CNTNAP2: variants seen among roughly 807,000 people sequenced by gnomAD.
CNTNAP2 encodes contactin-associated protein-like 2.
A neutral mutation model predicts 155.2 loss-of-function variants in CNTNAP2; 98 were observed. The observed-to-expected ratio is 0.63, with a 90% CI of 0.54 to 0.75. The LOEUF (loss-of-function observed/expected upper bound fraction) is 0.75. Ranked by LOEUF, CNTNAP2 falls within the 30% of genes least tolerant of loss-of-function variation. CNTNAP2 has a pLI of 0.00. For missense variants in CNTNAP2, 1,727 were observed against 1,688.1 expected (o/e 1.02, Z -0.40); for synonymous variants, 651 against 631.2 (o/e 1.03, Z -0.47).
At chr7:147,989,690 T>A (rs997568715) in intron 15 of CNTNAP2, among the ~76,000 whole-genome samples, 1 of 152,188 alleles carries the variant, frequency 6.6e-6, no homozygotes, top group Non-Finnish European at 1.5e-5. Flanking sequence ...AATACCTGAT[T>A]AGAGCTCAAC....
chr7:146,873,180 C>G (rs1795349616), intron 3 of CNTNAP2, among the ~76,000 whole-genome samples: 1 of 152,176 alleles, frequency 6.6e-6, no homozygotes, highest in Admixed American at 6.5e-5. Context: ...TAATGCTATA[C>G]AAGATGTCTG....
intron 13 of CNTNAP2, among the ~76,000 whole-genome samples, chr7:147,732,181 T>TCCCCCCCCCCCCCCCCCC (rs199519152): frequency 5.5e-5 from 6 of 108,532 alleles, no homozygotes; most frequent in Admixed American, 9.8e-5. Flanking sequence ...ATGCTATCCC[T>TCCCCCCCCCCCCCCCCCC]CCCCCCCCCA....
At chr7:147,106,423 C>G (rs1388206775) in intron 4 of CNTNAP2, among the ~76,000 whole-genome samples, 1 of 152,050 alleles carries the variant, frequency 6.6e-6, no homozygotes, top group Non-Finnish European at 1.5e-5. Flanking sequence ...GCAGTGTTAG[C>G]AGAAGCCAAA....
At chr7:146,525,550 A>ATCTATCTATCTG (rs1400753797) in intron 1 of CNTNAP2, among the ~76,000 whole-genome samples, 2 of 146,460 alleles carry the variant, frequency 1.4e-5, no homozygotes, top group East Asian at 3.9e-4. Flanking sequence ...CTATCTATCT[A>ATCTATCTATCTG]TCTATCTATC....
chr7:146,363,321 A>G (rs1349050311), intron 1 of CNTNAP2, among the ~76,000 whole-genome samples: 1 of 152,156 alleles, frequency 6.6e-6, no homozygotes, highest in African/African-American at 2.4e-5. Context: ...ATCTGTCTCT[A>G]TCGTCTATCT....
chr7:146,344,524 G>C (rs1794789974), intron 1 of CNTNAP2, among the ~76,000 whole-genome samples: 1 of 148,760 alleles, frequency 6.7e-6, no homozygotes, highest in Non-Finnish European at 1.5e-5. Flanking sequence ...TTGTAGCCCA[G>C]GCTGGAGTTC....
intron 8 of CNTNAP2, among the ~76,000 whole-genome samples, chr7:147,169,495 A>G (rs1298020767): frequency 6.6e-6 from 1 of 152,074 alleles, no homozygotes; most frequent in Non-Finnish European, 1.5e-5. Flanking sequence ...TGTGTGTCCA[A>G]TGTTTAGCTC....
At chr7:147,460,953 T>G (rs1021747154) in intron 10 of CNTNAP2, among the ~76,000 whole-genome samples, 3 of 152,144 alleles carry the variant, frequency 2.0e-5, no homozygotes, top group African/African-American at 7.2e-5. Context: ...TTTGGGAGAG[T>G]AGAACTTTTT....
At position 146,565,207 on chromosome 7, in the gene CNTNAP2, T is replaced by C. The variant is rs776004441; in HGVS notation, c.98-209064T>C. On this transcript the variant is annotated intron_variant, in intron 1 of 23. Transcript: ENST00000361727. ...ATATACTTCCAAGGTTTCTGAGAGG[T>C]ACAGCTTATACAAGGAAAATCTTTT... Among the ~76,000 whole-genome samples the C allele has an allele frequency of 9.6e-4, 146 of 152,174 alleles. 1 individual carries two copies. Among genetic ancestry groups the C allele is most frequent in the Middle Eastern group, 3.4e-3 (1 of 294 alleles).
At chr7:146,644,202 GT>G (rs1437767889) in intron 1 of CNTNAP2, among the ~76,000 whole-genome samples, 2 of 152,162 alleles carry the variant, frequency 1.3e-5, no homozygotes, top group Non-Finnish European at 2.9e-5. Context: ...TTGAATAGGA[GT>G]GGTGAGAGAG....
intron 11 of CNTNAP2, among the ~76,000 whole-genome samples, chr7:147,516,250 C>T (rs967611647): frequency 6.6e-6 from 1 of 151,958 alleles, no homozygotes; most frequent in African/African-American, 2.4e-5. Context: ...TTTACAGCTA[C>T]TCATGTGTAG....
rs1331434029 is a variant in CNTNAP2, at chr7:148,366,260, GTA to G, written c.3476-17385_3476-17384del. Among the ~76,000 whole-genome samples the G allele has an allele frequency of 3.7e-5, 5 of 133,574 alleles. 1 individual carries two copies. The highest frequency in any genetic ancestry group is 1.4e-4 in the African/African-American group (5 of 36,018). 87.6% of individuals were successfully genotyped at this position (133,574 alleles called of 152,430 possible). Reference sequence around the variant, plus strand: ...TATGTGTATGCATGTATATATGTGTGTATATGTGTACATGTATATATGTATGT... The same window carrying G: ...TATGTGTATGCATGTATATATGTGTGTATGTGTACATGTATATATGTATGT... On this transcript the variant is annotated intron_variant, in intron 21 of 23. Transcript: ENST00000361727.
chr7:146,980,796 G>C (rs1042397424), intron 3 of CNTNAP2, among the ~76,000 whole-genome samples: 6 of 152,080 alleles, frequency 3.9e-5, no homozygotes, highest in Non-Finnish European at 7.3e-5. Flanking sequence ...CCTCCAACAC[G>C]GAATTACATT....
intron 1 of CNTNAP2, among the ~76,000 whole-genome samples, chr7:146,700,690 A>G (rs1800861550): frequency 2.0e-5 from 3 of 152,162 alleles, no homozygotes; most frequent in Non-Finnish European, 4.4e-5. Context: ...TTATGCCAGT[A>G]TGTTTCTAGA....
chr7:147,511,778 C>A (rs1048458710), intron 11 of CNTNAP2, among the ~76,000 whole-genome samples: 2 of 152,030 alleles, frequency 1.3e-5, no homozygotes, highest in Non-Finnish European at 2.9e-5. Context: ...CTATAGTAGC[C>A]ACCAGAGAAC....
intron 3 of CNTNAP2, among the ~76,000 whole-genome samples, chr7:146,927,244 C>T (rs1452554264): frequency 1.3e-5 from 2 of 152,118 alleles, no homozygotes; most frequent in Non-Finnish European, 2.9e-5. Context: ...ACTGGGAAAG[C>T]TTTCACATTT....
At chr7:146,534,827 G>A (rs1348322187) in intron 1 of CNTNAP2, among the ~76,000 whole-genome samples, 1 of 150,942 alleles carries the variant, frequency 6.6e-6, no homozygotes, top group African/African-American at 2.4e-5. Context: ...TCCAAGCTGA[G>A]CAATTTATTG....
At chr7:146,809,593 A>G (rs1585100629) in intron 2 of CNTNAP2, among the ~76,000 whole-genome samples, 1 of 151,760 alleles carries the variant, frequency 6.6e-6, no homozygotes, top group Non-Finnish European at 1.5e-5. Context: ...CGAACTCCTG[A>G]CCTCAAGTGA....
At chr7:147,601,683 T>A (rs1800950098) in intron 12 of CNTNAP2, among the ~76,000 whole-genome samples, 1 of 142,894 alleles carries the variant, frequency 7.0e-6, no homozygotes, top group Non-Finnish European at 1.5e-5. Flanking sequence ...ATACACACCA[T>A]CATAGTAACA....
Sources: allele counts gnomAD v4.1 joint callset (sites outside exome capture counted in the v4.1 genomes callset), GRCh38; gene constraint gnomAD v4.1.1; transcripts MANE v1.5; gene names NCBI Gene and HGNC (gene_info 2026-07-23, HGNC 2026-07-21).